TRAK2: variants seen among roughly 807,000 people sequenced by gnomAD.
TRAK2 encodes trafficking kinesin-binding protein 2.
Under a neutral mutation model 104.6 loss-of-function variants are expected in TRAK2, and 81 were observed. That is an observed-to-expected ratio of 0.77 (90% CI 0.65 to 0.93). The LOEUF is 0.93. TRAK2 is among the 40% of genes least tolerant of loss of function. The probability of loss-of-function intolerance (pLI) is 0.00; values close to 1 mark genes in which losing one functional copy is unlikely to be tolerated. For missense variants in TRAK2, 1,002 were observed against 1,089.0 expected (o/e 0.92, Z 1.12); for synonymous variants, 406 against 394.4 (o/e 1.03, Z -0.35).
intron 1 of TRAK2, among the ~76,000 whole-genome samples, chr2:201,444,930 T>TA (rs1418595247): frequency 6.6e-6 from 1 of 152,170 alleles, no homozygotes; most frequent in East Asian, 1.9e-4. Flanking sequence ...TGTTACACAA[T>TA]AGAGTATAAC....
rs901524839 is a variant in TRAK2 at position 201,389,566 on chromosome 2, A to G, written c.1194-63T>C. The stretch of plus-strand genomic sequence containing the variant: ...GCCACTAAAGCATCTAGAGAAGAGA[A>G]TGTATGTGCAGTCCATCAGAAATAA... On this transcript the variant is annotated intron_variant, in intron 11 of 15. Coordinates refer to ENST00000332624, the MANE Select transcript of TRAK2 (RefSeq NM_015049.3). The G allele has an allele frequency of 2.8e-6, 3 of 1,079,798 alleles. No individual in the cohort carries two copies. The South Asian group carries it at 4.1e-5, about 15-fold the overall frequency. 66.9% of individuals were successfully genotyped at this position (1,079,798 alleles called of 1,614,324 possible). A position where few individuals can be genotyped will look rare whatever the true frequency, so the allele number is the denominator to read the frequency against.
chr2:201,401,945 A>G (rs528263390), intron 3 of TRAK2, among the ~76,000 whole-genome samples: 1 of 152,182 alleles, frequency 6.6e-6, no homozygotes, highest in East Asian at 1.9e-4. Flanking sequence ...CTCTTTTATT[A>G]TAACTAGTTT....
chr2:201,404,752 T>G (rs1409596184), intron 3 of TRAK2, among the ~76,000 whole-genome samples: 1 of 152,104 alleles, frequency 6.6e-6, no homozygotes, highest in African/African-American at 2.4e-5. Context: ...TCTCCAACTT[T>G]CCCACACCAA....
At chr2:201,392,702 T>A (rs935758669) in intron 10 of TRAK2, among the ~76,000 whole-genome samples, 5 of 152,132 alleles carry the variant, frequency 3.3e-5, no homozygotes, top group Admixed American at 1.3e-4. Flanking sequence ...ATACAATATA[T>A]CTGGAAAGTC....
In TRAK2 at chr2:201,386,325, G is replaced by T; in HGVS notation, c.1856C>A (p.Thr619Asn). The T allele has an allele frequency of 1.2e-6, 2 of 1,614,166 alleles. No homozygotes were observed. Among genetic ancestry groups the T allele is most frequent in the Non-Finnish European group, 1.7e-6 (2 of 1,180,030 alleles). Residue 619 changes from threonine to asparagine, a missense_variant, in exon 14 of 16, where the codon ACT becomes AAT. Transcript: ENST00000332624. ...DLEEDEEEGI[T>N]FQVQQPLEVE... Reference sequence around the variant, plus strand: ...TTCAAGAGGTTGCTGAACCTGAAAAGTAATACCCTCCTCTTCATCCTCTTC... The same window carrying T: ...TTCAAGAGGTTGCTGAACCTGAAAATTAATACCCTCCTCTTCATCCTCTTC...
chr2:201,382,222 G>T (rs1214889179), intron 15 of TRAK2, among the ~76,000 whole-genome samples: 5 of 152,118 alleles, frequency 3.3e-5, no homozygotes, highest in Non-Finnish European at 7.4e-5. Flanking sequence ...TGTACTTGAG[G>T]AAACAGTGAT....
chr2:201,381,313 T>C (rs1382284272), intron 15 of TRAK2, 95 bp from the exon 16 acceptor site: 9 of 1,144,496 alleles, frequency 7.9e-6, no homozygotes, highest in Admixed American at 2.9e-5. Context: ...TTATCCTTGG[T>C]AAATATAAAG....
chr2:201,441,018 C>G lies in TRAK2; in HGVS notation c.-200+10332G>C, dbSNP rs182123185. On this transcript the variant is annotated intron_variant, in intron 1 of 15. Coordinates refer to ENST00000332624, the MANE Select transcript of TRAK2 (RefSeq NM_015049.3). ...AGTCTTGCAAAATACGTGCCTACTACCTAGAAGCTTAATCATTAAAAATAT... is the reference window on the plus strand; with the variant it reads ...AGTCTTGCAAAATACGTGCCTACTAGCTAGAAGCTTAATCATTAAAAATAT... Among the ~76,000 whole-genome samples, 69 of 152,234 alleles carry G rather than the reference C, an allele frequency of 4.5e-4. 1 individual carries two copies. The highest frequency in any genetic ancestry group is 1.5e-3 in the African/African-American group (64 of 41,512).
At chr2:201,421,820 G>A (rs769249756) in intron 1 of TRAK2, among the ~76,000 whole-genome samples, 6 of 152,032 alleles carry the variant, frequency 3.9e-5, no homozygotes, top group Non-Finnish European at 7.4e-5. Flanking sequence ...AGGCTGAGGT[G>A]GGCCGATCAC....
intron 2 of TRAK2, among the ~76,000 whole-genome samples, chr2:201,409,315 G>GA: frequency 6.7e-6 from 1 of 149,832 alleles, no homozygotes; most frequent in African/African-American, 2.4e-5. Context: ...TATTACATTT[G>GA]AAAAAATACG....
chr2:201,394,705 G>A (rs1471602994), intron 9 of TRAK2, 93 bp downstream of exon 9: 2 of 1,034,244 alleles, frequency 1.9e-6, no homozygotes, highest in Non-Finnish European at 1.5e-6. Context: ...TTTTAAATCT[G>A]GTAATTCCCC....
chr2:201,394,418 T>G (rs1026654644), intron 9 of TRAK2, among the ~76,000 whole-genome samples: 2 of 149,714 alleles, frequency 1.3e-5, no homozygotes, highest in Non-Finnish European at 3.0e-5. Context: ...CTGGGCCCAC[T>G]GCAATCTCTA....
intron 2 of TRAK2, among the ~76,000 whole-genome samples, chr2:201,418,797 T>C (rs1191724730): frequency 6.6e-6 from 1 of 152,146 alleles, no homozygotes; most frequent in Non-Finnish European, 1.5e-5. Flanking sequence ...AAGTAAAAAC[T>C]ATAAAACTTT....
chr2:201,391,942 T>C (rs1255448370), intron 10 of TRAK2, among the ~76,000 whole-genome samples: 1 of 152,124 alleles, frequency 6.6e-6, no homozygotes, highest in African/African-American at 2.4e-5. Flanking sequence ...CTGGAAAAAT[T>C]TGAATGGGCT....
At chr2:201,415,400 T>C (rs1951682967) in intron 2 of TRAK2, among the ~76,000 whole-genome samples, 1 of 151,904 alleles carries the variant, frequency 6.6e-6, no homozygotes, top group Admixed American at 6.6e-5. Context: ...AGGAGGGAAA[T>C]GAGTCAACAG....
intron 1 of TRAK2, among the ~76,000 whole-genome samples, chr2:201,432,765 C>G (rs533920876): frequency 6.6e-6 from 1 of 152,290 alleles, no homozygotes; most frequent in African/African-American, 2.4e-5. Flanking sequence ...TAAAACAACT[C>G]TGGGAAAGTT....
intron 1 of TRAK2, among the ~76,000 whole-genome samples, chr2:201,432,965 C>T (rs1289558826): frequency 1.3e-5 from 2 of 152,214 alleles, no homozygotes; most frequent in Non-Finnish European, 2.9e-5. Flanking sequence ...CTCTCTTAGG[C>T]AGTGGCAACC....
At chr2:201,407,220 G>C (rs1159980269) in intron 3 of TRAK2, among the ~76,000 whole-genome samples, 183 bp downstream of exon 3, 1 of 152,160 alleles carries the variant, frequency 6.6e-6, no homozygotes, top group Non-Finnish European at 1.5e-5. Flanking sequence ...AGAGTCATAA[G>C]GATGACAAAC....
intron 3 of TRAK2, among the ~76,000 whole-genome samples, chr2:201,406,064 C>T (rs2125648917): frequency 6.6e-6 from 1 of 152,272 alleles, no homozygotes; most frequent in South Asian, 2.1e-4. Flanking sequence ...AAATACTGTT[C>T]CTTCTAAAAA....
Sources: gnomAD v4.1 joint callset for allele counts (sites outside exome capture counted in the v4.1 genomes callset) on GRCh38, gnomAD v4.1.1 for gene constraint, MANE v1.5 for transcripts, NCBI Gene and HGNC (gene_info 2026-07-23, HGNC 2026-07-21) for gene names.